GFRA2: variants seen among roughly 807,000 people sequenced by gnomAD.
The protein encoded by GFRA2 is GDNF family receptor alpha 2, also known as GDNF family receptor alpha-2.
A neutral mutation model predicts 48.3 loss-of-function variants in GFRA2; 17 were observed. The ratio of observed to expected loss-of-function variants is 0.35; its 90% CI spans 0.24 to 0.53. The LOEUF (loss-of-function observed/expected upper bound fraction) is 0.53. Ranked by LOEUF, GFRA2 falls within the 20% of genes least tolerant of loss-of-function variation. The probability of loss-of-function intolerance (pLI) is 0.93; values close to 1 mark genes in which losing one functional copy is unlikely to be tolerated. For missense variants in GFRA2, 660 were observed against 637.3 expected (o/e 1.04, Z -0.38); for synonymous variants, 305 against 257.2 (o/e 1.19, Z -1.78).
intron 4 of GFRA2, among the ~76,000 whole-genome samples, chr8:21,715,257 G>A (rs1803273705): frequency 6.6e-6 from 1 of 152,168 alleles, no homozygotes; most frequent in Non-Finnish European, 1.5e-5. Flanking sequence ...AGCTCCCCTG[G>A]GGTGGGCTGG....
At chr8:21,779,696 G>A (rs1263476555) in intron 2 of GFRA2, 3 of 152,212 alleles carry the variant, frequency 2.0e-5, no homozygotes, top group Non-Finnish European at 4.4e-5. Flanking sequence ...AGGAATCCAG[G>A]TTGCTAGGGA....
At chr8:21,723,690 G>A (rs1228990614) in intron 4 of GFRA2, among the ~76,000 whole-genome samples, 1 of 152,038 alleles carries the variant, frequency 6.6e-6, no homozygotes, top group East Asian at 1.9e-4. Flanking sequence ...GAAGACTTTT[G>A]GACACCCCTG....
chr8:21,791,317 AC>A (rs1232812978), upstream of GFRA2, among the ~76,000 whole-genome samples: 1 of 151,978 alleles, frequency 6.6e-6, no homozygotes, highest in East Asian at 1.9e-4. Flanking sequence ...CCCTTCTGCG[AC>A]CCAAGACCAC....
chr8:21,722,526 G>A (rs1803649752), intron 4 of GFRA2, among the ~76,000 whole-genome samples: 2 of 152,182 alleles, frequency 1.3e-5, no homozygotes, highest in Non-Finnish European at 2.9e-5. Context: ...GTTCTAACCT[G>A]TCAGCTTAAG....
rs34490346 is a variant in GFRA2 at position 21,728,265 on chromosome 8, G to GTTTT, written c.795-22228_795-22225dup. On this transcript the variant is annotated intron_variant, in intron 4 of 8. Transcript: ENST00000524240. ...TGTTTCCACAGACTCCGGGAACCAG[G>GTTTT]TTTTTTTTTTTTTTTTTTTTTTTTT... 5.2e-4 allele frequency among the ~76,000 whole-genome samples: 34 copies of GTTTT among 65,312 alleles called. 2 individuals carry two copies. The highest frequency in any genetic ancestry group is 5.9e-4 in the Non-Finnish European group (22 of 37,270). The allele number at this position is 65,312 out of a possible 152,430, so 42.8% of individuals were successfully genotyped here.
chr8:21,716,708 C>T (rs1803354353), intron 4 of GFRA2, among the ~76,000 whole-genome samples: 1 of 152,300 alleles, frequency 6.6e-6, no homozygotes, highest in South Asian at 2.1e-4. Context: ...AGCATGCATA[C>T]GCCTCCAATA....
At chr8:21,696,956 GAGGAAAGGGGAAGGGACAA>G (rs1802212122) in intron 7 of GFRA2, among the ~76,000 whole-genome samples, 1 of 133,554 alleles carries the variant, frequency 7.5e-6, no homozygotes, top group African/African-American at 2.9e-5. Flanking sequence ...GGAGGGGACA[GAGGAAAGGGGAAGGGACAA>G]AGGAGAGGGC....
At chr8:21,711,025 G>C (rs4567027) in intron 4 of GFRA2, among the ~76,000 whole-genome samples, 117,152 of 152,168 alleles carry the variant, frequency 0.77, 45,400 homozygotes, top group African/African-American at 0.84. Context: ...TAATTTCCTT[G>C]AAGCCCTGGA....
intron 4 of GFRA2, among the ~76,000 whole-genome samples, chr8:21,732,925 A>G (rs1327515952): frequency 1.3e-5 from 2 of 152,182 alleles, no homozygotes. Flanking sequence ...GCCAGAGGCC[A>G]GTCACCCATT....
intron 3 of GFRA2, among the ~76,000 whole-genome samples, chr8:21,768,034 G>A (rs1357933755): frequency 2.0e-5 from 3 of 152,218 alleles, no homozygotes; most frequent in African/African-American, 7.2e-5. Flanking sequence ...CCTGCGGAGA[G>A]GGAAGCTGCC....
At chr8:21,731,117 T>C (rs925942264) in intron 4 of GFRA2, among the ~76,000 whole-genome samples, 1 of 152,038 alleles carries the variant, frequency 6.6e-6, no homozygotes, top group Non-Finnish European at 1.5e-5. Context: ...CACCCCCATC[T>C]AGAACAAGTG....
chr8:21,765,082 CTTTCTTTCTT>C (rs1327113571), intron 3 of GFRA2, among the ~76,000 whole-genome samples: 2 of 151,666 alleles, frequency 1.3e-5, no homozygotes, highest in Non-Finnish European at 2.9e-5. Context: ...ACCACTTCCT[CTTTCTTTCTT>C]TTTCTTTCTT....
At chr8:21,758,299 G>C (rs183236815) in intron 3 of GFRA2, among the ~76,000 whole-genome samples, 51 of 152,144 alleles carry the variant, frequency 3.4e-4, no homozygotes, top group Admixed American at 1.4e-3. Context: ...CTGTCACCTA[G>C]GCACGCCCTT....
At chr8:21,709,582 C>T (rs1305899492) in intron 4 of GFRA2, among the ~76,000 whole-genome samples, 1 of 152,102 alleles carries the variant, frequency 6.6e-6, no homozygotes, top group Non-Finnish European at 1.5e-5. Flanking sequence ...GCTAAGGGGC[C>T]GGGGTAGTGT....
chr8:21,748,455 T>C (rs1270633541), intron 4 of GFRA2, among the ~76,000 whole-genome samples: 1 of 152,144 alleles, frequency 6.6e-6, no homozygotes, highest in Non-Finnish European at 1.5e-5. Flanking sequence ...CAGGGTTCTA[T>C]CTCCAGGTGA....
At chr8:21,724,685 C>T (rs1230830909) in intron 4 of GFRA2, among the ~76,000 whole-genome samples, 1 of 152,090 alleles carries the variant, frequency 6.6e-6, no homozygotes, top group Non-Finnish European at 1.5e-5. Flanking sequence ...GGCCCTGAGA[C>T]AATGGCAAGG....
At chr8:21,719,341 C>T (rs758752717) in intron 4 of GFRA2, among the ~76,000 whole-genome samples, 2 of 152,152 alleles carry the variant, frequency 1.3e-5, no homozygotes, top group Non-Finnish European at 2.9e-5. Flanking sequence ...ATTGGATACA[C>T]TCCTTCACGT....
chr8:21,749,327 C>A (rs1158913779), intron 4 of GFRA2, among the ~76,000 whole-genome samples: 1 of 151,946 alleles, frequency 6.6e-6, no homozygotes, highest in Non-Finnish European at 1.5e-5. Flanking sequence ...AGCTTTGGAC[C>A]TACGTTATGT....
rs1807128168 is a variant in GFRA2, at chr8:21,783,710, G to A, written c.41-811C>T. Reference sequence around the variant, plus strand: ...TCTCCTCTTCCGAGAGACAAGTTCCGCCCCGGCCCCCTCCAATAGAAAATG... The same window carrying A: ...TCTCCTCTTCCGAGAGACAAGTTCCACCCCGGCCCCCTCCAATAGAAAATG... On this transcript the variant is annotated intron_variant, in intron 1 of 8. Coordinates refer to ENST00000524240, the MANE Select transcript of GFRA2 (RefSeq NM_001495.5). Among the ~76,000 whole-genome samples, 7 of 151,086 alleles carry A rather than the reference G, an allele frequency of 4.6e-5. No homozygotes were observed. The South Asian group carries it at 6.3e-4, about 14-fold the overall frequency.
Sources: allele counts gnomAD v4.1 joint callset (sites outside exome capture counted in the v4.1 genomes callset), GRCh38; gene constraint gnomAD v4.1.1; transcripts MANE v1.5; gene names NCBI Gene and HGNC (gene_info 2026-07-23, HGNC 2026-07-21).